Variants in CTNNA2 observed in about 807,000 individuals in gnomAD.
The protein encoded by CTNNA2 is catenin alpha 2.
In CTNNA2, 42 loss-of-function variants were observed where a neutral mutation model predicts 101.0. The ratio of observed to expected loss-of-function variants is 0.42; its 90% confidence interval spans 0.32 to 0.54. CTNNA2 has a LOEUF of 0.54. Among genes scored for constraint, CTNNA2 ranks in the 20% least tolerant of loss-of-function variants. CTNNA2 has a pLI of 0.14. For synonymous variants in CTNNA2, 450 were observed against 456.4 expected, an observed-to-expected ratio of 0.99 and a Z score of 0.18; for missense variants, 871 against 1,223.1, an observed-to-expected ratio of 0.71 and a Z score of 4.29.
chr2:79,865,234 T>A (rs1169943478), intron 4 of CTNNA2, among the ~76,000 whole-genome samples: 1 of 152,124 alleles, frequency 6.6e-6, no homozygotes, highest in Non-Finnish European at 1.5e-5. Flanking sequence ...CTTAACTTTA[T>A]GGGGCAGAAA....
chr2:79,422,521 G>A (rs1333990339), intron 4 of CTNNA2, among the ~76,000 whole-genome samples: 1 of 152,098 alleles, frequency 6.6e-6, no homozygotes, highest in Non-Finnish European at 1.5e-5. Context: ...GTCTTCCATG[G>A]TTTTCTTCTC....
intron 2 of CTNNA2, among the ~76,000 whole-genome samples, chr2:79,677,611 A>C (rs1683271127): frequency 6.6e-6 from 1 of 152,196 alleles, no homozygotes; most frequent in Non-Finnish European, 1.5e-5. Flanking sequence ...GTAATCTGAA[A>C]AGTACCAGAA....
intron 7 of CTNNA2, among the ~76,000 whole-genome samples, chr2:80,051,120 A>G (rs1013106071): frequency 6.6e-6 from 1 of 152,208 alleles, no homozygotes; most frequent in African/African-American, 2.4e-5. Flanking sequence ...TTCTAGAAAC[A>G]AAGGGATTTT....
At chr2:79,623,264 G>A (rs1253598891) in intron 1 of CTNNA2, among the ~76,000 whole-genome samples, 1 of 152,154 alleles carries the variant, frequency 6.6e-6, no homozygotes, top group Non-Finnish European at 1.5e-5. Context: ...GAAGAAATTT[G>A]TGCTCATCCT....
intron 3 of CTNNA2, among the ~76,000 whole-genome samples, chr2:79,762,612 C>G (rs780646930): frequency 9.9e-5 from 15 of 152,062 alleles, no homozygotes; most frequent in Non-Finnish European, 1.8e-4. Flanking sequence ...TTATCTACTT[C>G]TTCTGGTATT....
At chr2:79,925,195 T>C (rs984330206) in intron 7 of CTNNA2, among the ~76,000 whole-genome samples, 1 of 152,168 alleles carries the variant, frequency 6.6e-6, no homozygotes, top group Non-Finnish European at 1.5e-5. Flanking sequence ...ATTTATCTTT[T>C]GTACGATTGC....
intron 8 of CTNNA2, among the ~76,000 whole-genome samples, chr2:80,396,348 A>G (rs1678011492): frequency 6.6e-6 from 1 of 152,198 alleles, no homozygotes; most frequent in Admixed American, 6.5e-5. Flanking sequence ...TTTAGAATCA[A>G]AAATGGATTT....
At chr2:79,924,792 G>T (rs1225478443) in intron 7 of CTNNA2, among the ~76,000 whole-genome samples, 1 of 152,066 alleles carries the variant, frequency 6.6e-6, no homozygotes, top group African/African-American at 2.4e-5. Context: ...GCACTCTGTT[G>T]TATTTGATTG....
intron 3 of CTNNA2, among the ~76,000 whole-genome samples, chr2:79,834,878 A>G (rs1446623652): frequency 6.6e-6 from 1 of 152,118 alleles, no homozygotes; most frequent in Non-Finnish European, 1.5e-5. Context: ...TCTTTGAATT[A>G]AAGTCTAGTT....
chr2:79,370,969 A>G (rs1177927554), intron 3 of CTNNA2, among the ~76,000 whole-genome samples: 1 of 152,066 alleles, frequency 6.6e-6, no homozygotes, highest in Non-Finnish European at 1.5e-5. Context: ...TGAATGGCTC[A>G]TTTAGGGCTC....
At chr2:79,548,710 T>C (rs1558720081) in intron 1 of CTNNA2, among the ~76,000 whole-genome samples, 1 of 152,208 alleles carries the variant, frequency 6.6e-6, no homozygotes, top group East Asian at 1.9e-4. Flanking sequence ...GACTGGACCA[T>C]TAATGACTCA....
chr2:80,258,697 A>G (rs558986679), intron 7 of CTNNA2, among the ~76,000 whole-genome samples: 2 of 152,300 alleles, frequency 1.3e-5, no homozygotes, highest in East Asian at 3.9e-4. Flanking sequence ...GGAGCATTTC[A>G]CAGGCATCAA....
At chr2:79,429,054 A>C (rs1312921275) in intron 4 of CTNNA2, among the ~76,000 whole-genome samples, 1 of 152,114 alleles carries the variant, frequency 6.6e-6, no homozygotes, top group Non-Finnish European at 1.5e-5. Flanking sequence ...TGCAGGCTAC[A>C]TTTATTCAGG....
intron 7 of CTNNA2, among the ~76,000 whole-genome samples, chr2:79,932,248 A>G (rs1231047972): frequency 6.6e-6 from 1 of 152,144 alleles, no homozygotes; most frequent in Non-Finnish European, 1.5e-5. Flanking sequence ...TGAAAAAACA[A>G]TGCTTTATTA....
intron 4 of CTNNA2, among the ~76,000 whole-genome samples, chr2:79,491,689 G>C (rs937484083): frequency 1.3e-5 from 2 of 152,100 alleles, no homozygotes; most frequent in African/African-American, 4.8e-5. Context: ...CTGAGTTCAG[G>C]ATCACATCAC....
intron 3 of CTNNA2, among the ~76,000 whole-genome samples, chr2:79,856,446 A>G (rs1199583432): frequency 6.6e-6 from 1 of 152,244 alleles, no homozygotes; most frequent in Non-Finnish European, 1.5e-5. Context: ...TTTGCTTAGT[A>G]GGTGAGTAGT....
chr2:79,646,697 T>C (rs1444928405), intron 1 of CTNNA2, among the ~76,000 whole-genome samples: 1 of 151,938 alleles, frequency 6.6e-6, no homozygotes, highest in Non-Finnish European at 1.5e-5. Context: ...GCTCACCTAA[T>C]TTTTGTATTT....
chr2:79,863,775 AGGGTGTGGCCTT>A (rs1190688940), intron 4 of CTNNA2, among the ~76,000 whole-genome samples: 1 of 152,162 alleles, frequency 6.6e-6, no homozygotes, highest in African/African-American at 2.4e-5. Context: ...ATGTTGTTGG[AGGGTGTGGCCTT>A]GGGTCACTTG....
intron 9 of CTNNA2, among the ~76,000 whole-genome samples, chr2:80,450,138 A>G (rs1219268024): frequency 6.6e-6 from 1 of 152,226 alleles, no homozygotes; most frequent in African/African-American, 2.4e-5. Context: ...ACAGAACACT[A>G]GTTCTTAAGA....
Sources: allele counts gnomAD v4.1 joint callset (sites outside exome capture counted in the v4.1 genomes callset), GRCh38; gene constraint gnomAD v4.1.1; transcripts MANE v1.5; gene names NCBI Gene and HGNC (gene_info 2026-07-23, HGNC 2026-07-21).